Variants in PARD3B observed in about 807,000 individuals in gnomAD.
PARD3B encodes the protein partitioning defective 3 homolog B.
Under a neutral mutation model 130.2 loss-of-function variants are expected in PARD3B, and 103 were observed. The ratio of observed to expected loss-of-function variants is 0.79; its 90% CI spans 0.67 to 0.93. The LOEUF (loss-of-function observed/expected upper bound fraction) is 0.93, where lower values mean the gene tolerates loss of function less well. PARD3B is among the 40% of genes least tolerant of loss of function. The pLI is 0.00. For missense variants in PARD3B, 1,609 were observed against 1,499.2 expected (o/e 1.07, Z -1.21); for synonymous variants, 583 against 553.2 (o/e 1.05, Z -0.76).
chr2:205,185,426 C>G (rs1470423399), intron 13 of PARD3B, among the ~76,000 whole-genome samples: 1 of 152,144 alleles, frequency 6.6e-6, no homozygotes, highest in Non-Finnish European at 1.5e-5. Context: ...AATATTAAGG[C>G]ATAAAACAGA....
chr2:205,518,791 C>T (rs2050901657), intron 21 of PARD3B, among the ~76,000 whole-genome samples: 1 of 152,144 alleles, frequency 6.6e-6, no homozygotes, highest in Non-Finnish European at 1.5e-5. Context: ...TGAATTCCCT[C>T]AACGTTTGCT....
Position 205,301,410 on chromosome 2 carries a change from T to C in PARD3B, c.2393-54T>C. 1 of 1,567,768 alleles carries C rather than the reference T, an allele frequency of 6.4e-7. No homozygotes were observed. The highest frequency in any genetic ancestry group is 8.6e-7 in the Non-Finnish European group (1 of 1,163,040). On this transcript the variant is annotated intron_variant, in intron 17 of 22. Coordinates refer to ENST00000406610, the MANE Select transcript of PARD3B (RefSeq NM_001302769.2). This position sits in a 1 kb window ranked among gnomAD's most constrained non-coding sequence, Gnocchi z 5.2. Reference sequence around the variant, plus strand: ...TTTTACATGTTAGCGTTTCTCTGTATACTAACTGAGTGTGCCCCTGACCAT... The same window carrying C: ...TTTTACATGTTAGCGTTTCTCTGTACACTAACTGAGTGTGCCCCTGACCAT...
intron 18 of PARD3B, among the ~76,000 whole-genome samples, chr2:205,343,989 T>C (rs1335468353): frequency 6.6e-6 from 1 of 151,718 alleles, no homozygotes; most frequent in Non-Finnish European, 1.5e-5. Flanking sequence ...GGGGGAAGAG[T>C]ATCGTCAACA....
At chr2:204,812,190 T>C (rs1293455578) in intron 2 of PARD3B, among the ~76,000 whole-genome samples, 1 of 152,188 alleles carries the variant, frequency 6.6e-6, no homozygotes, top group African/African-American at 2.4e-5. Context: ...GATATTGCAG[T>C]GAGCATAAAG....
intron 15 of PARD3B, among the ~76,000 whole-genome samples, chr2:205,206,001 G>A (rs1193100083): frequency 1.3e-5 from 2 of 152,086 alleles, no homozygotes; most frequent in Admixed American, 1.3e-4. Flanking sequence ...CTATTGTTTG[G>A]AATAGTTTCA....
chr2:205,029,039 G>A (rs1697235698), intron 3 of PARD3B, among the ~76,000 whole-genome samples: 1 of 152,098 alleles, frequency 6.6e-6, no homozygotes, highest in Non-Finnish European at 1.5e-5. Flanking sequence ...TATGAAGCAG[G>A]AAAGTGCTAA....
intron 15 of PARD3B, among the ~76,000 whole-genome samples, chr2:205,197,377 C>T (rs992050919): frequency 2.0e-5 from 3 of 151,988 alleles, no homozygotes; most frequent in African/African-American, 7.2e-5. Flanking sequence ...AAATTTTTCT[C>T]TTTACTTGCA....
chr2:204,954,390 C>T (rs1690058595), intron 2 of PARD3B, among the ~76,000 whole-genome samples: 1 of 152,158 alleles, frequency 6.6e-6, no homozygotes, highest in African/African-American at 2.4e-5. Flanking sequence ...CCACCAGTTG[C>T]TCAGCTGTCA....
intron 18 of PARD3B, among the ~76,000 whole-genome samples, chr2:205,383,007 C>A (rs2045508864): frequency 6.6e-6 from 1 of 151,838 alleles, no homozygotes; most frequent in Non-Finnish European, 1.5e-5. Context: ...AAACCAAGAT[C>A]TGAGCTCTAG....
At chr2:204,957,053 T>G (rs1280539070) in intron 2 of PARD3B, among the ~76,000 whole-genome samples, 2 of 152,078 alleles carry the variant, frequency 1.3e-5, no homozygotes, top group Non-Finnish European at 2.9e-5. Context: ...ATGTGAGTCG[T>G]GAATGTTGTT....
intron 18 of PARD3B, among the ~76,000 whole-genome samples, chr2:205,324,072 A>C: frequency 6.6e-6 from 1 of 152,134 alleles, no homozygotes. Flanking sequence ...TCATACCCCA[A>C]GACTGTATTA....
At chr2:205,384,467 A>G (rs976837978) in intron 18 of PARD3B, among the ~76,000 whole-genome samples, 11 of 152,084 alleles carry the variant, frequency 7.2e-5, no homozygotes, top group African/African-American at 2.7e-4. Context: ...GTCTTTGACT[A>G]TTTTTGATTC....
At chr2:204,824,866 A>C (rs1224932390) in intron 2 of PARD3B, among the ~76,000 whole-genome samples, 4 of 152,220 alleles carry the variant, frequency 2.6e-5, no homozygotes. Context: ...TAAGGGGAAC[A>C]GAGGCTTTTT....
At chr2:204,755,221 G>A (rs74757818) in intron 2 of PARD3B, among the ~76,000 whole-genome samples, 4,197 of 152,132 alleles carry the variant, frequency 0.028, 185 homozygotes, top group African/African-American at 0.096. Context: ...TCCTAACTAC[G>A]GAAATGTGTG....
chr2:204,915,601 A>C (rs1320973401), intron 2 of PARD3B, among the ~76,000 whole-genome samples: 1 of 152,172 alleles, frequency 6.6e-6, no homozygotes, highest in Admixed American at 6.5e-5. Flanking sequence ...TACTTTCACC[A>C]TGGAAAAAAC....
chr2:204,994,917 G>A (rs1248042709), intron 3 of PARD3B, among the ~76,000 whole-genome samples: 1 of 150,754 alleles, frequency 6.6e-6, no homozygotes, highest in African/African-American at 2.4e-5. Flanking sequence ...GCCTTTTTTT[G>A]TTTTCCATTG....
At chr2:204,789,427 AT>A (rs1389009091) in intron 2 of PARD3B, among the ~76,000 whole-genome samples, 1 of 152,178 alleles carries the variant, frequency 6.6e-6, no homozygotes, top group Admixed American at 6.5e-5. Flanking sequence ...AGCTTTTAAG[AT>A]ACTGTAACAA....
intron 19 of PARD3B, among the ~76,000 whole-genome samples, chr2:205,404,401 T>C (rs539888738): frequency 6.6e-6 from 1 of 152,290 alleles, no homozygotes; most frequent in African/African-American, 2.4e-5. Context: ...AGGGAGTCGA[T>C]CATTCACAGA....
chr2:204,546,587 T>G (rs2029955241), intron 1 of PARD3B, among the ~76,000 whole-genome samples: 1 of 152,126 alleles, frequency 6.6e-6, no homozygotes, highest in Non-Finnish European at 1.5e-5. Context: ...TGACACATAC[T>G]CGGAAGTTAC....
Sources: gnomAD v4.1 joint callset for allele counts (sites outside exome capture counted in the v4.1 genomes callset) on GRCh38, gnomAD v4.1.1 for gene constraint, Gnocchi (gnomAD v3.1) non-coding constraint, MANE v1.5 for transcripts, NCBI Gene and HGNC (gene_info 2026-07-23, HGNC 2026-07-21) for gene names.